RARG: variants seen among roughly 807,000 people sequenced by gnomAD.
RARG encodes the protein RAR-gamma.
Under a neutral mutation model 43.7 loss-of-function variants are expected in RARG, and 17 were observed. That is an observed-to-expected ratio of 0.39 (90% CI 0.27 to 0.58). The LOEUF is 0.58. RARG is among the 20% of genes least tolerant of loss of function. The probability of loss-of-function intolerance (pLI) is 0.57; values close to 1 mark genes in which losing one functional copy is unlikely to be tolerated. For synonymous variants in RARG, 238 were observed against 236.4 expected, an observed-to-expected ratio of 1.01 and a Z score of -0.06; for missense variants, 346 against 598.7, an observed-to-expected ratio of 0.58 and a Z score of 4.40.
intron 3 of RARG, among the ~76,000 whole-genome samples, chr12:53,219,488 ACT>A (rs1450123179): frequency 6.6e-6 from 1 of 152,176 alleles, no homozygotes; most frequent in East Asian, 1.9e-4. Flanking sequence ...CGCAGGCGAC[ACT>A]GGTGGAGAGA....
chr12:53,227,480 C>T lies in RARG; in HGVS notation c.66G>A (p.Gly22=), dbSNP rs1472766055. 4 of 1,608,774 alleles carry T rather than the reference C, an allele frequency of 2.5e-6. No homozygotes were observed. Among genetic ancestry groups the T allele is most frequent in the Non-Finnish European group, 3.4e-6 (4 of 1,177,938 alleles). ...GALGPGSGYP[G]AGFPFAFPGA... Reference sequence around the variant, plus strand: ...CTGGGAAGGCGAAGGGGAAACCTGCCCCTGGGTAGCCAGATCCAGGCCCCA... The same window carrying T: ...CTGGGAAGGCGAAGGGGAAACCTGCTCCTGGGTAGCCAGATCCAGGCCCCA... The change falls in exon 3 of 10, where the codon GGG becomes GGA. Residue 22 remains glycine (G), a synonymous_variant. Coordinates refer to ENST00000425354, the MANE Select transcript of RARG (RefSeq NM_000966.6). This position sits in a 1 kb window ranked among gnomAD's most constrained non-coding sequence, Gnocchi z 4.3.
Position 53,213,808 on chromosome 12 carries a change from C to T in RARG, c.814-108G>A. On this transcript the variant is annotated intron_variant, in intron 7 of 9. Coordinates refer to ENST00000425354, the MANE Select transcript of RARG (RefSeq NM_000966.6). The surrounding 1 kb of genome is among the most constrained non-coding windows in gnomAD (Gnocchi z 4.7). Reference sequence around the variant, plus strand: ...GGTCCCCAGTGAGTGCAACCTGAAGCAGGCATGGAGAAGGCAGAGGTGGAG... The same window carrying T: ...GGTCCCCAGTGAGTGCAACCTGAAGTAGGCATGGAGAAGGCAGAGGTGGAG... The T allele has an allele frequency of 7.9e-7, 1 of 1,262,268 alleles. No individual in the cohort carries two copies. The highest frequency in any genetic ancestry group is 1.1e-6 in the Non-Finnish European group (1 of 891,228). The allele number at this position is 1,262,268 out of a possible 1,614,324, so 78.2% of individuals were successfully genotyped here.
At chr12:53,220,531 A>C (rs1432213158) in intron 3 of RARG, 11 of 324,758 alleles carry the variant, frequency 3.4e-5, no homozygotes, top group African/African-American at 8.5e-5. Context: ...CCGTGCATGC[A>C]TTTATCTTAT....
Position 53,213,783 on chromosome 12 carries a change from G to A in RARG, c.814-83C>T. ...GAATGAGTGGAAAGTGAGGAGGTTA[G>A]GTCCCCAGTGAGTGCAACCTGAAGC... On this transcript the variant is annotated intron_variant, in intron 7 of 9. Coordinates refer to ENST00000425354, the MANE Select transcript of RARG (RefSeq NM_000966.6). The surrounding 1 kb of genome is among the most constrained non-coding windows in gnomAD (Gnocchi z 4.7). 7.2e-7 allele frequency: 1 copy of A among 1,393,780 alleles called. No homozygotes were observed. The highest frequency in any genetic ancestry group is 1.4e-5 in the African/African-American group (1 of 70,344). The allele number at this position is 1,393,780 out of a possible 1,614,324, so 86.3% of individuals were successfully genotyped here. A position where few individuals can be genotyped will look rare whatever the true frequency, so the allele number is the denominator to read the frequency against.
At chr12:53,221,600 C>T (rs933522388) in intron 3 of RARG, among the ~76,000 whole-genome samples, 1 of 152,228 alleles carries the variant, frequency 6.6e-6, no homozygotes, top group Non-Finnish European at 1.5e-5. Flanking sequence ...ACTGAGCGCC[C>T]TCGCCCGGCG....
rs908906732 is a variant in RARG at position 53,214,731 on chromosome 12, C to G, written c.476-125G>C. On this transcript the variant is annotated intron_variant, in intron 5 of 9. Coordinates refer to ENST00000425354, the MANE Select transcript of RARG (RefSeq NM_000966.6). ...TATCTATTCTCTGGCACTGTAATTA[C>G]TGCCTCAGTTTCCCTATCACCTATA... is the stretch of plus-strand genomic sequence containing the variant. 6 of 1,079,320 alleles carry G rather than the reference C, an allele frequency of 5.6e-6. No homozygotes were observed. In the African/African-American group the frequency reaches 9.6e-5, roughly 17 times the overall value. 66.9% of individuals were successfully genotyped at this position (1,079,320 alleles called of 1,614,324 possible).
rs867191760 is a variant in RARG, at chr12:53,220,064, G to A, written c.185-4270C>T. 3.0e-5 allele frequency: 47 copies of A among 1,548,580 alleles called. No homozygotes were observed. In the African/African-American group the frequency reaches 5.2e-4, roughly 17 times the overall value. ...GGCCCGGCCGCCCCGTACAGCCGTC[G>A]CGGACCCGGGGCAAACGTTTCCATA... On this transcript the variant is annotated intron_variant, in intron 3 of 9. Transcript: ENST00000425354.
chr12:53,220,362 TG>T, intron 3 of RARG: 6 of 961,436 alleles, frequency 6.2e-6, no homozygotes, highest in Non-Finnish European at 7.3e-6. Context: ...CAGCTAGCAC[TG>T]GGGAGACCTT....
intron 1 of RARG, chr12:53,231,475 C>A (rs1304232058): frequency 6.6e-6 from 1 of 152,250 alleles, no homozygotes; most frequent in Non-Finnish European, 1.5e-5. Context: ...CTTCGGAACT[C>A]CTGGACGCGG....
intron 3 of RARG, among the ~76,000 whole-genome samples, chr12:53,219,206 T>A (rs1337837594): frequency 6.6e-6 from 1 of 152,234 alleles, no homozygotes; most frequent in Non-Finnish European, 1.5e-5. Context: ...CTGCTGAAGT[T>A]GTTGTGTGTT....
intron 5 of RARG, 54 bp from the exon 6 acceptor site, chr12:53,214,660 G>T: frequency 6.6e-7 from 1 of 1,519,024 alleles, no homozygotes; most frequent in Non-Finnish European, 9.0e-7. Flanking sequence ...CTCCCTTTGG[G>T]TGTCCTCTCT....
chr12:53,232,165 A>T lies in RARG; in HGVS notation c.-401T>A. 2 of 398,244 alleles carry T rather than the reference A, an allele frequency of 5.0e-6. No homozygotes were observed. The highest frequency in any genetic ancestry group is 2.1e-5 in the African/African-American group (1 of 48,696). 24.7% of individuals were successfully genotyped at this position (398,244 alleles called of 1,614,324 possible). A position where few individuals can be genotyped will look rare whatever the true frequency, so the allele number is the denominator to read the frequency against. ...ACGTGACCGCCCCAAAATATCCGACACATTTTCTCCCAAACCGCACACTGA... is the reference window on the plus strand; with the variant it reads ...ACGTGACCGCCCCAAAATATCCGACTCATTTTCTCCCAAACCGCACACTGA... On this transcript the variant is annotated 5_prime_UTR_variant, in exon 1 of 10. Transcript: ENST00000425354.
At chr12:53,212,811 A>G (rs74433791) in intron 9 of RARG, among the ~76,000 whole-genome samples, 4,259 of 151,726 alleles carry the variant, frequency 0.028, 194 homozygotes, top group African/African-American at 0.092. Context: ...TAAAAATTCA[A>G]TTCTGCAGTT....
chr12:53,215,717 T>C lies in RARG; in HGVS notation c.262A>G (p.Lys88Glu). ...PSPPPPPRVY[K>E]PCFVCNDKSS... ...TTGTCATTGCACACGAAGCATGGCT[T>C]GTAGACCCGAGGAGGCGGAGGGGGC... is the stretch of plus-strand genomic sequence containing the variant. Residue 88 changes from lysine (K) to glutamate (E), a missense_variant, in exon 4 of 10, where the codon AAG becomes GAG. By Grantham distance (56) the Lys-to-Glu change is moderately conservative (BLOSUM62 1). Coordinates refer to ENST00000425354, the MANE Select transcript of RARG (RefSeq NM_000966.6). This position sits in a 1 kb window ranked among gnomAD's most constrained non-coding sequence, Gnocchi z 6.4. 6.2e-7 allele frequency: 1 copy of C among 1,613,772 alleles called. No individual in the cohort carries two copies. The highest frequency in any genetic ancestry group is 8.5e-7 in the Non-Finnish European group (1 of 1,179,938).
Position 53,215,247 on chromosome 12 carries a change from G to C in RARG, c.475+46C>G. ...CAGAGGAAAGAGGGCCACAGCCATA[G>C]GGTAGGACCGAAGTGCTCCTGCCCA... On this transcript the variant is annotated intron_variant, in intron 5 of 9. Transcript: ENST00000425354. This position sits in a 1 kb window ranked among gnomAD's most constrained non-coding sequence, Gnocchi z 6.4. 2.5e-6 allele frequency: 4 copies of C among 1,603,550 alleles called. No homozygotes were observed. The highest frequency in any genetic ancestry group is 1.7e-5 in the Admixed American group (1 of 59,464).
intron 3 of RARG, among the ~76,000 whole-genome samples, chr12:53,222,911 G>C (rs1005064094): frequency 4.6e-5 from 7 of 152,076 alleles, no homozygotes; most frequent in African/African-American, 1.7e-4. Flanking sequence ...GAGTATGAAG[G>C]GGGGCTGCTG....
At chr12:53,220,103 C>A (rs1208546511) in intron 3 of RARG, 2 of 1,550,262 alleles carry the variant, frequency 1.3e-6, no homozygotes, top group Non-Finnish European at 1.7e-6. Context: ...TCGTACATCG[C>A]GACCCGGCTT....
chr12:53,224,882 T>C (rs1943070016), intron 3 of RARG, among the ~76,000 whole-genome samples: 1 of 152,130 alleles, frequency 6.6e-6, no homozygotes, highest in African/African-American at 2.4e-5. Context: ...CTTCCCTACC[T>C]TAATCTCACT....
intron 3 of RARG, among the ~76,000 whole-genome samples, chr12:53,223,529 C>T (rs568363458): frequency 2.0e-5 from 3 of 149,236 alleles, no homozygotes; most frequent in Non-Finnish European, 3.0e-5. Flanking sequence ...CCCCGCCCCC[C>T]CCCCGCCCAA....
Sources: allele counts gnomAD v4.1 joint callset (sites outside exome capture counted in the v4.1 genomes callset), GRCh38; gene constraint gnomAD v4.1.1; non-coding constraint Gnocchi (gnomAD v3.1); transcripts MANE v1.5; gene names NCBI Gene and HGNC (gene_info 2026-07-23, HGNC 2026-07-21).